Variants in RBFOX1 observed in about 807,000 individuals in gnomAD.
RBFOX1 encodes RNA binding fox-1 homolog 1.
Under a neutral mutation model 57.7 loss-of-function variants are expected in RBFOX1, and 8 were observed. That is an observed-to-expected ratio of 0.14 (90% CI 0.08 to 0.25). RBFOX1 has a LOEUF of 0.25. RBFOX1 is among the 10% of genes least tolerant of loss of function. RBFOX1 has a pLI of 1.00. For synonymous variants in RBFOX1, 326 were observed against 222.4 expected (o/e 1.47, Z -4.15); for missense variants, 611 against 548.5 (o/e 1.11, Z -1.14).
At chr16:6,707,424 C>T (rs1320264678) in intron 3 of RBFOX1, among the ~76,000 whole-genome samples, 1 of 150,520 alleles carries the variant, frequency 6.6e-6, no homozygotes, top group Non-Finnish European at 1.5e-5. Flanking sequence ...AATTGTCTTC[C>T]TTAAACTACA....
intron 3 of RBFOX1, among the ~76,000 whole-genome samples, chr16:5,836,679 G>A (rs1387229673): frequency 1.3e-5 from 2 of 152,246 alleles, no homozygotes; most frequent in African/African-American, 2.4e-5. Flanking sequence ...TTGTTGCGGG[G>A]GAGCTGTCCT....
chr16:5,341,444 A>T (rs901604048), intron 1 of RBFOX1, among the ~76,000 whole-genome samples: 2 of 152,136 alleles, frequency 1.3e-5, no homozygotes, highest in Non-Finnish European at 2.9e-5. Flanking sequence ...TGGAGTTGGA[A>T]AAAAGTGATT....
At chr16:5,291,702 A>G (rs954157731) in intron 1 of RBFOX1, among the ~76,000 whole-genome samples, 1 of 152,190 alleles carries the variant, frequency 6.6e-6, no homozygotes, top group African/African-American at 2.4e-5. Context: ...AACACAGGCC[A>G]GTCAGGAGGC....
At chr16:7,461,666 A>G (rs917458466) in intron 4 of RBFOX1, among the ~76,000 whole-genome samples, 2 of 152,190 alleles carry the variant, frequency 1.3e-5, no homozygotes, top group African/African-American at 4.8e-5. Context: ...TAACAACCCC[A>G]TTCACTGGGT....
chr16:6,162,219 G>A (rs564032330), intron 1 of RBFOX1, among the ~76,000 whole-genome samples: 8 of 152,266 alleles, frequency 5.3e-5, no homozygotes, highest in African/African-American at 1.9e-4. Flanking sequence ...CCAGGTTCAA[G>A]CAATTCACCT....
At chr16:6,159,797 A>T (rs1271967491) in intron 1 of RBFOX1, among the ~76,000 whole-genome samples, 1 of 152,206 alleles carries the variant, frequency 6.6e-6, no homozygotes, top group African/African-American at 2.4e-5. Flanking sequence ...TACAAAAATG[A>T]CAGAAGACTG....
chr16:6,910,277 A>G (rs764298554), intron 3 of RBFOX1, among the ~76,000 whole-genome samples: 71 of 152,228 alleles, frequency 4.7e-4, no homozygotes, highest in African/African-American at 1.5e-3. Context: ...TACTTCCAGA[A>G]TCGTGTAGGG....
chr16:6,869,740 G>A (rs1040956365), intron 3 of RBFOX1, among the ~76,000 whole-genome samples: 5 of 152,174 alleles, frequency 3.3e-5, no homozygotes, highest in Admixed American at 6.5e-5. Context: ...CGTGTTGACT[G>A]ATTGGAAATG....
intron 3 of RBFOX1, among the ~76,000 whole-genome samples, chr16:6,754,341 C>G (rs1354729246): frequency 2.0e-5 from 3 of 152,156 alleles, no homozygotes; most frequent in Non-Finnish European, 4.4e-5. Flanking sequence ...ATATAATTAT[C>G]TCTCTGAAAA....
intron 2 of RBFOX1, among the ~76,000 whole-genome samples, chr16:5,548,171 AAAAATATATATATAT>A (rs1392088099): frequency 0.017 from 651 of 37,524 alleles, 43 homozygotes; most frequent in South Asian, 0.03. Context: ...AAAAAAAAAA[AAAAATATATATATAT>A]ATATATATAT....
chr16:5,978,179 T>C (rs1008267940), intron 4 of RBFOX1, among the ~76,000 whole-genome samples: 1 of 125,304 alleles, frequency 8.0e-6, no homozygotes, highest in Non-Finnish European at 1.6e-5. Context: ...CCAGGTGTGG[T>C]AGTGCATTCC....
At chr16:7,080,994 C>G (rs1400981263) in intron 4 of RBFOX1, among the ~76,000 whole-genome samples, 2 of 152,178 alleles carry the variant, frequency 1.3e-5, no homozygotes, top group African/African-American at 4.8e-5. Flanking sequence ...CCTCACTTCC[C>G]CTCCTCAGCC....
intron 4 of RBFOX1, among the ~76,000 whole-genome samples, chr16:7,425,186 T>G (rs1180875311): frequency 6.6e-6 from 1 of 152,228 alleles, no homozygotes; most frequent in African/African-American, 2.4e-5. Flanking sequence ...GAAGTGCATT[T>G]TTGCTGTAGA....
intron 1 of RBFOX1, among the ~76,000 whole-genome samples, chr16:6,074,956 AT>A (rs1261913381): frequency 6.6e-6 from 1 of 152,188 alleles, no homozygotes; most frequent in African/African-American, 2.4e-5. Context: ...ATTAAAAAAA[AT>A]AAAAGAAGGG....
At chr16:5,392,716 C>G (rs1233997767) in intron 1 of RBFOX1, among the ~76,000 whole-genome samples, 3 of 151,888 alleles carry the variant, frequency 2.0e-5, no homozygotes, top group Non-Finnish European at 4.4e-5. Context: ...GGGAAAGAAA[C>G]AAATGCAGAT....
intron 3 of RBFOX1, among the ~76,000 whole-genome samples, chr16:5,829,919 G>T (rs112449659): frequency 2.0e-5 from 3 of 152,262 alleles, no homozygotes; most frequent in African/African-American, 4.8e-5. Flanking sequence ...TGACTTACTG[G>T]CATAGACGGT....
intron 2 of RBFOX1, among the ~76,000 whole-genome samples, chr16:6,623,494 G>A (rs1333917070): frequency 6.6e-6 from 1 of 150,928 alleles, no homozygotes; most frequent in Non-Finnish European, 1.5e-5. Flanking sequence ...TGCACAATGT[G>A]CAGGTTAGTT....
chr16:7,544,596 A>G (rs556295822), intron 5 of RBFOX1, among the ~76,000 whole-genome samples: 1 of 152,134 alleles, frequency 6.6e-6, no homozygotes, highest in Non-Finnish European at 1.5e-5. Flanking sequence ...ACCAGGATCT[A>G]GGAAAGAAGC....
At position 5,875,846 on chromosome 16, in the gene RBFOX1, C is replaced by CTTT. The variant is rs753084238; in HGVS notation, c.351+8524_351+8526dup. Among the ~76,000 whole-genome samples the CTTT allele has an allele frequency of 3.5e-4, 50 of 141,388 alleles. 1 individual carries two copies. The highest frequency in any genetic ancestry group is 4.5e-4 in the South Asian group (2 of 4,428). The allele number at this position is 141,388 out of a possible 152,430, so 92.8% of individuals were successfully genotyped here. A position where few individuals can be genotyped will look rare whatever the true frequency, so the allele number is the denominator to read the frequency against. On this transcript the variant is annotated intron_variant, in intron 4 of 19. Coordinates refer to the RBFOX1 transcript ENST00000641259. The stretch of plus-strand genomic sequence containing the variant: ...TGGGGGATGAATTAGAAGAATCCCA[C>CTTT]TTTTTTTTTTTTTTTGAGAGGGAGT...
Sources: gnomAD v4.1 joint callset for allele counts (sites outside exome capture counted in the v4.1 genomes callset) on GRCh38, gnomAD v4.1.1 for gene constraint, MANE v1.5 for transcripts, NCBI Gene and HGNC (gene_info 2026-07-23, HGNC 2026-07-21) for gene names.